FAM120B: variants seen among roughly 807,000 people sequenced by gnomAD.
The protein encoded by FAM120B is constitutive coactivator of peroxisome proliferator-activated receptor gamma.
FAM120B carries 83 observed loss-of-function variants against 96.3 expected under a neutral mutation model. The observed-to-expected ratio is 0.86, with a 90% confidence interval of 0.72 to 1.03. The LOEUF is 1.03. FAM120B is among the 50% of genes least tolerant of loss of function. The probability of loss-of-function intolerance (pLI) is 0.00; values close to 1 mark genes in which losing one functional copy is unlikely to be tolerated. For synonymous variants in FAM120B, 407 were observed against 402.7 expected, an observed-to-expected ratio of 1.01 and a Z score of -0.13; for missense variants, 1,027 against 1,121.2, an observed-to-expected ratio of 0.92 and a Z score of 1.20.
intron 6 of FAM120B, among the ~76,000 whole-genome samples, chr6:170,381,855 C>T (rs1789923910): frequency 6.6e-6 from 1 of 151,582 alleles, no homozygotes; most frequent in South Asian, 2.1e-4. Context: ...AGATCTTTCT[C>T]AACTTGATAA....
At chr6:170,321,760 A>G (rs1220330408) in intron 2 of FAM120B, among the ~76,000 whole-genome samples, 1 of 152,212 alleles carries the variant, frequency 6.6e-6, no homozygotes, top group African/African-American at 2.4e-5. Flanking sequence ...ATATTGACTC[A>G]TTTAATCCTC....
rs1184104880 is a variant in FAM120B at position 170,406,786 on chromosome 6, A to G, written c.*2035A>G. ...TTTCTTTGCACTTGTATAACTTTGAAATAAATTCCTCATCCCTTAGACTAA... is the reference window on the plus strand; with the variant it reads ...TTTCTTTGCACTTGTATAACTTTGAGATAAATTCCTCATCCCTTAGACTAA... On this transcript the variant is annotated 3_prime_UTR_variant, in exon 11 of 11. Coordinates refer to ENST00000476287, the MANE Select transcript of FAM120B (RefSeq NM_032448.3). The G allele has an allele frequency of 6.6e-6, 1 of 152,198 alleles. No individual in the cohort carries two copies. The highest frequency in any genetic ancestry group is 2.4e-5 in the African/African-American group (1 of 41,452). 9.4% of individuals were successfully genotyped at this position (152,198 alleles called of 1,614,324 possible).
intron 2 of FAM120B, among the ~76,000 whole-genome samples, chr6:170,320,255 C>G (rs1277796928): frequency 6.6e-6 from 1 of 152,144 alleles, no homozygotes; most frequent in Non-Finnish European, 1.5e-5. Flanking sequence ...AAACTCAGGC[C>G]CGGACAGCAG....
chr6:170,326,618 C>G (rs562908462), intron 3 of FAM120B, among the ~76,000 whole-genome samples: 41 of 152,288 alleles, frequency 2.7e-4, no homozygotes, highest in African/African-American at 9.1e-4. Flanking sequence ...TCACAACTAC[C>G]CAATCCTGCT....
At chr6:170,391,320 AG>A (rs1279171739) in intron 8 of FAM120B, 199 bp downstream of exon 8, 3 of 518,798 alleles carry the variant, frequency 5.8e-6, no homozygotes, top group Non-Finnish European at 1.1e-5. Context: ...AGATCACTTG[AG>A]GTCAGGAATT....
At chr6:170,383,689 C>G (rs1790040545) in intron 6 of FAM120B, among the ~76,000 whole-genome samples, 1 of 152,236 alleles carries the variant, frequency 6.6e-6, no homozygotes, top group Non-Finnish European at 1.5e-5. Context: ...ACACTAGCCT[C>G]TTACATGGCT....
chr6:170,294,249 AC>A (rs1783949252), upstream of FAM120B, among the ~76,000 whole-genome samples: 1 of 152,170 alleles, frequency 6.6e-6, no homozygotes, highest in Non-Finnish European at 1.5e-5. This position sits in a 1 kb window ranked among gnomAD's most constrained non-coding sequence, Gnocchi z 7.9. Flanking sequence ...AAAACAGGAA[AC>A]TTTCTTTTAA....
intron 4 of FAM120B, among the ~76,000 whole-genome samples, chr6:170,337,088 G>C (rs1786484814): frequency 6.6e-6 from 1 of 152,184 alleles, no homozygotes; most frequent in Admixed American, 6.5e-5. Context: ...GGAGTGGTGA[G>C]AGAGGGCATC....
intron 4 of FAM120B, among the ~76,000 whole-genome samples, chr6:170,340,073 C>T (rs1404660964): frequency 6.6e-6 from 1 of 152,158 alleles, no homozygotes; most frequent in African/African-American, 2.4e-5. Context: ...GGATAATATC[C>T]TAAAGTGTGT....
At chr6:170,317,070 C>T (rs551189528) in intron 1 of FAM120B, among the ~76,000 whole-genome samples, 49 of 152,132 alleles carry the variant, frequency 3.2e-4, no homozygotes, top group Admixed American at 5.9e-4. Flanking sequence ...AAAACTTAAC[C>T]TCTTTTTGAA....
intron 2 of FAM120B, among the ~76,000 whole-genome samples, chr6:170,320,859 C>A (rs1399814392): frequency 1.3e-5 from 2 of 152,040 alleles, no homozygotes; most frequent in African/African-American, 4.8e-5. Flanking sequence ...TCCAAGGGGG[C>A]AAGTTTCAAG....
At chr6:170,324,242 G>T (rs575065842) in intron 3 of FAM120B, among the ~76,000 whole-genome samples, 1 of 152,172 alleles carries the variant, frequency 6.6e-6, no homozygotes. Context: ...GGGCTCAGGG[G>T]TAGTGGGGTT....
chr6:170,377,125 T>C lies in FAM120B; in HGVS notation c.2284-11162T>C, dbSNP rs143610373. On this transcript the variant is annotated intron_variant, in intron 6 of 10. Coordinates refer to ENST00000476287, the MANE Select transcript of FAM120B (RefSeq NM_032448.3). ...ACACGCGTCCCTAATCCCAGATGCC[T>C]GGGAGAACACAGGCTCACGCTGCTC... Among the ~76,000 whole-genome samples the C allele has an allele frequency of 5.3e-3, 365 of 69,360 alleles. 9 individuals are homozygous for C. Among genetic ancestry groups the C allele is most frequent in the East Asian group, 0.046 (18 of 390 alleles). 45.5% of individuals were successfully genotyped at this position (69,360 alleles called of 152,430 possible).
chr6:170,353,694 C>A (rs1787722303), intron 5 of FAM120B, among the ~76,000 whole-genome samples: 1 of 152,074 alleles, frequency 6.6e-6, no homozygotes, highest in Admixed American at 6.5e-5. Context: ...GAATAAAATA[C>A]CTAGTAATAC....
At chr6:170,354,535 G>C (rs1158388593) in intron 5 of FAM120B, among the ~76,000 whole-genome samples, 2 of 152,088 alleles carry the variant, frequency 1.3e-5, no homozygotes, top group Non-Finnish European at 2.9e-5. Context: ...CTAATATCCA[G>C]AGTCTACAAA....
chr6:170,300,901 C>G (rs73031203), intron 1 of FAM120B, among the ~76,000 whole-genome samples: 5 of 152,218 alleles, frequency 3.3e-5, no homozygotes, highest in African/African-American at 9.6e-5. Context: ...TAAACCCCCC[C>G]CTCCTGGCTG....
intron 6 of FAM120B, among the ~76,000 whole-genome samples, chr6:170,364,709 C>T (rs1788663989): frequency 6.6e-6 from 1 of 152,168 alleles, no homozygotes; most frequent in South Asian, 2.1e-4. Flanking sequence ...CTGATGGGGG[C>T]ACTTGGGACA....
chr6:170,290,780 C>T (rs1054860623), upstream of FAM120B: 6 of 530,778 alleles, frequency 1.1e-5, no homozygotes, highest in Non-Finnish European at 2.0e-5. This position sits in a 1 kb window ranked among gnomAD's most constrained non-coding sequence, Gnocchi z 4.7. Context: ...CCGCGTCTTT[C>T]CGATGAATCC....
chr6:170,369,698 T>TG (rs1490153878), intron 6 of FAM120B, among the ~76,000 whole-genome samples: 5 of 151,558 alleles, frequency 3.3e-5, no homozygotes, highest in Non-Finnish European at 7.4e-5. Context: ...AGTTTTTTTT[T>TG]TTTTTTTTTT....
Sources: gnomAD v4.1 joint callset for allele counts (sites outside exome capture counted in the v4.1 genomes callset) on GRCh38, gnomAD v4.1.1 for gene constraint, Gnocchi (gnomAD v3.1) non-coding constraint, MANE v1.5 for transcripts, NCBI Gene and HGNC (gene_info 2026-07-23, HGNC 2026-07-21) for gene names.